The following CCDC68 variants were observed in gnomAD, a reference collection of about 807,000 sequenced individuals.
CCDC68 encodes coiled-coil domain-containing protein 68.
CCDC68 carries 45 observed loss-of-function variants against 47.1 expected under a neutral mutation model. The observed-to-expected ratio is 0.96, with a 90% CI of 0.75 to 1.23. The LOEUF is 1.23. CCDC68 is among the 50% of genes most tolerant of loss of function. The pLI is 0.00. For missense variants in CCDC68, 353 were observed against 373.6 expected (o/e 0.94, Z 0.45); for synonymous variants, 131 against 129.5 (o/e 1.01, Z -0.08).
rs764438046 is a variant in CCDC68, at chr18:54,942,680, T to C, written c.112A>G (p.Lys38Glu). ...AHIIEETEYV[K>E]KIRTTLQKIR... Reference sequence around the variant, plus strand: ...GATTTCTGCTACCCACATACCTTTTTCACATACTCGGTTTCTTCAATAATG... The same window carrying C: ...GATTTCTGCTACCCACATACCTTTTCCACATACTCGGTTTCTTCAATAATG... The change falls in exon 3 of 12, where the codon AAA becomes GAA. Residue 38 changes from lysine (K) to glutamate (E), a missense_variant. Lys to Glu is a moderately conservative substitution (Grantham distance 56, BLOSUM62 1). Coordinates refer to ENST00000591504, the MANE Select transcript of CCDC68 (RefSeq NM_025214.3). The C allele has an allele frequency of 2.1e-5, 33 of 1,569,498 alleles. No homozygotes were observed. Among genetic ancestry groups the C allele is most frequent in the Non-Finnish European group, 2.6e-5 (30 of 1,145,236 alleles).
At chr18:54,958,620 A>G (rs2044751867) in intron 1 of CCDC68, among the ~76,000 whole-genome samples, 1 of 152,212 alleles carries the variant, frequency 6.6e-6, no homozygotes, top group Non-Finnish European at 1.5e-5. Flanking sequence ...TGATCCTTAT[A>G]TTCAATTTTG....
At chr18:54,927,502 G>A (rs1293187408) in intron 8 of CCDC68, among the ~76,000 whole-genome samples, 2 of 152,012 alleles carry the variant, frequency 1.3e-5, no homozygotes, top group Non-Finnish European at 2.9e-5. Context: ...ACTTTTAATG[G>A]AAGATGCGTA....
chr18:54,947,900 A>G (rs1025192332), intron 1 of CCDC68, among the ~76,000 whole-genome samples: 1 of 152,228 alleles, frequency 6.6e-6, no homozygotes, highest in Non-Finnish European at 1.5e-5. Context: ...GTTTCCTCAA[A>G]CAATGATGCT....
At chr18:54,958,371 A>G (rs976554718) in intron 1 of CCDC68, among the ~76,000 whole-genome samples, 4 of 152,228 alleles carry the variant, frequency 2.6e-5, no homozygotes, top group Non-Finnish European at 5.9e-5. Flanking sequence ...CCCAGCTCAC[A>G]TATCAGGAAA....
intron 7 of CCDC68, among the ~76,000 whole-genome samples, chr18:54,930,653 CCCTTCCTT>C (rs1426771531): frequency 3.2e-3 from 59 of 18,304 alleles, no homozygotes; most frequent in East Asian, 0.011. Context: ...CTCCCTCCCT[CCCTTCCTT>C]CCTTCCTTCC....
chr18:54,945,015 G>C (rs529214832), intron 2 of CCDC68, among the ~76,000 whole-genome samples: 2 of 152,284 alleles, frequency 1.3e-5, no homozygotes, highest in African/African-American at 4.8e-5. Context: ...AAGAATTGTT[G>C]TAATTTTGCT....
At chr18:54,938,182 TATATC>T in intron 4 of CCDC68, 85 bp from the exon 5 acceptor site, 3 of 1,291,308 alleles carry the variant, frequency 2.3e-6, no homozygotes, top group Non-Finnish European at 3.1e-6. Context: ...TAGTATTACA[TATATC>T]AAAGAAGCTT....
chr18:54,924,943 AGAT>A (rs2044121048), intron 8 of CCDC68, among the ~76,000 whole-genome samples: 10 of 152,214 alleles, frequency 6.6e-5, no homozygotes, highest in Admixed American at 6.5e-4. Context: ...TATTCTGTTT[AGAT>A]GATGTTCTGA....
chr18:54,910,131 G>T (rs1270290886), intron 10 of CCDC68, among the ~76,000 whole-genome samples: 2 of 152,204 alleles, frequency 1.3e-5, no homozygotes, highest in Non-Finnish European at 2.9e-5. Context: ...TGCAGCCAGG[G>T]TGTCCTGACA....
At chr18:54,950,897 C>CTTTTTTTTTTTT (rs869026740) in intron 1 of CCDC68, among the ~76,000 whole-genome samples, 1 of 61,960 alleles carries the variant, frequency 1.6e-5, no homozygotes, top group Non-Finnish European at 2.7e-5. Context: ...ATTCAGATGT[C>CTTTTTTTTTTTT]TTTTTTTTTT....
chr18:54,944,815 TA>T (rs1257218767), intron 2 of CCDC68, among the ~76,000 whole-genome samples: 2 of 152,120 alleles, frequency 1.3e-5, no homozygotes, highest in African/African-American at 4.8e-5. Flanking sequence ...CACCTAAAGC[TA>T]AAAACATTAG....
chr18:54,907,176 G>C (rs941658459), intron 11 of CCDC68, among the ~76,000 whole-genome samples: 5 of 152,096 alleles, frequency 3.3e-5, no homozygotes, highest in Non-Finnish European at 7.4e-5. Context: ...TTTGAGCCCA[G>C]ATTCTGATTC....
chr18:54,946,508 T>C (rs1274792979), intron 1 of CCDC68, among the ~76,000 whole-genome samples: 1 of 152,238 alleles, frequency 6.6e-6, no homozygotes, highest in African/African-American at 2.4e-5. Flanking sequence ...TAGTATGTTA[T>C]GCAATGTGTA....
intron 9 of CCDC68, among the ~76,000 whole-genome samples, chr18:54,918,695 T>C (rs994489437): frequency 2.0e-5 from 3 of 152,214 alleles, no homozygotes; most frequent in African/African-American, 7.2e-5. Context: ...AGGACTTGTA[T>C]TTGGCAGTAA....
At chr18:54,910,028 G>C (rs1006498836) in intron 10 of CCDC68, among the ~76,000 whole-genome samples, 2 of 152,230 alleles carry the variant, frequency 1.3e-5, no homozygotes, top group Non-Finnish European at 2.9e-5. Flanking sequence ...GAAGAATGAG[G>C]TACCCAGACA....
rs1328462321 is a variant in CCDC68, at chr18:54,921,654, TGCTA to T, written c.684-2282_684-2279del. Among the ~76,000 whole-genome samples the T allele has an allele frequency of 2.6e-5, 4 of 152,324 alleles. No homozygotes were observed. In the East Asian group the frequency reaches 5.8e-4, roughly 22 times the overall value. ...GGGGAACAAGAACACGCGTCAAGCG[TGCTA>T]CTCTGTTTTAGATGATAATCGGAAA... On this transcript the variant is annotated intron_variant, in intron 8 of 11. Transcript: ENST00000591504.
At chr18:54,941,650 C>A (rs1428103433) in intron 3 of CCDC68, among the ~76,000 whole-genome samples, 1 of 152,004 alleles carries the variant, frequency 6.6e-6, no homozygotes, top group Non-Finnish European at 1.5e-5. Context: ...ATAAACTATG[C>A]CAGAATTTGT....
chr18:54,958,652 A>C (rs2044752375), intron 1 of CCDC68, among the ~76,000 whole-genome samples: 2 of 152,246 alleles, frequency 1.3e-5, no homozygotes, highest in Admixed American at 1.3e-4. Flanking sequence ...AAAAAGGCTG[A>C]AAATTCACAG....
intron 8 of CCDC68, among the ~76,000 whole-genome samples, chr18:54,923,876 C>A (rs2044103545): frequency 6.6e-6 from 1 of 152,100 alleles, no homozygotes; most frequent in South Asian, 2.1e-4. Context: ...CTATGCCCGG[C>A]TAATTTTTCT....
Sources: gnomAD v4.1 joint callset for allele counts (sites outside exome capture counted in the v4.1 genomes callset) on GRCh38, gnomAD v4.1.1 for gene constraint, MANE v1.5 for transcripts, NCBI Gene and HGNC (gene_info 2026-07-23, HGNC 2026-07-21) for gene names.